DLG2: variants seen among roughly 807,000 people sequenced by gnomAD.
DLG2 encodes discs large MAGUK scaffold protein 2.
Under a neutral mutation model 132.5 loss-of-function variants are expected in DLG2, and 45 were observed. The observed-to-expected ratio is 0.34, with a 90% CI of 0.27 to 0.44. The LOEUF is 0.44. DLG2 is among the 20% of genes least tolerant of loss of function. DLG2 has a pLI of 1.00. For synonymous variants in DLG2, 424 were observed against 419.6 expected, an observed-to-expected ratio of 1.01 and a Z score of -0.13; for missense variants, 1,045 against 1,196.9, an observed-to-expected ratio of 0.87 and a Z score of 1.87.
intron 6 of DLG2, among the ~76,000 whole-genome samples, chr11:85,071,241 G>A (rs534326665): frequency 7.9e-5 from 12 of 151,790 alleles, no homozygotes; most frequent in South Asian, 4.2e-4. Context: ...AAACCTTAGC[G>A]TTACGTCCAT....
At chr11:83,489,329 C>T (rs2093706335) in intron 21 of DLG2, among the ~76,000 whole-genome samples, 2 of 151,868 alleles carry the variant, frequency 1.3e-5, no homozygotes, top group Admixed American at 1.3e-4. Flanking sequence ...GGAAGCTCTA[C>T]AAGACAAACT....
chr11:84,736,328 C>T (rs2063824291), intron 6 of DLG2, among the ~76,000 whole-genome samples: 1 of 150,418 alleles, frequency 6.6e-6, no homozygotes, highest in Admixed American at 6.6e-5. Context: ...ACTTTGTTCA[C>T]TTTTTTTTTC....
intron 3 of DLG2, among the ~76,000 whole-genome samples, chr11:85,571,941 G>A (rs995400163): frequency 1.4e-4 from 21 of 152,116 alleles, no homozygotes; most frequent in South Asian, 6.2e-4. Context: ...AGATATACCC[G>A]TAGCAGAAAT....
chr11:85,162,899 T>C (rs927142232), intron 4 of DLG2, among the ~76,000 whole-genome samples: 11 of 152,318 alleles, frequency 7.2e-5, no homozygotes, highest in South Asian at 4.1e-4. Context: ...TGTGAGGTTG[T>C]TGCCAAAGGA....
chr11:84,377,174 C>A (rs1007774535), intron 7 of DLG2, among the ~76,000 whole-genome samples: 1 of 151,884 alleles, frequency 6.6e-6, no homozygotes, highest in Non-Finnish European at 1.5e-5. Context: ...ATAATCCAGG[C>A]TTTATACTTA....
chr11:83,877,496 C>A, intron 15 of DLG2, among the ~76,000 whole-genome samples: 1 of 152,140 alleles, frequency 6.6e-6, no homozygotes, highest in South Asian at 2.1e-4. Context: ...AGTAATCTCA[C>A]TTCACTTATC....
intron 10 of DLG2, among the ~76,000 whole-genome samples, chr11:84,066,441 G>C (rs1594517064): frequency 6.6e-6 from 1 of 152,190 alleles, no homozygotes; most frequent in East Asian, 1.9e-4. Context: ...ACTGCACTCA[G>C]ACCTCCTCAA....
intron 3 of DLG2, among the ~76,000 whole-genome samples, chr11:85,527,519 C>T (rs1431938472): frequency 1.3e-5 from 2 of 152,134 alleles, no homozygotes; most frequent in African/African-American, 4.8e-5. Flanking sequence ...CTGCAAAGGA[C>T]ATGCACTCAT....
intron 19 of DLG2, among the ~76,000 whole-genome samples, chr11:83,606,285 T>C (rs1279314130): frequency 6.6e-6 from 1 of 152,158 alleles, no homozygotes; most frequent in African/African-American, 2.4e-5. Flanking sequence ...ACTATAGTTG[T>C]AGTCAGTAAA....
chr11:83,817,237 A>G (rs2049275170), intron 17 of DLG2, among the ~76,000 whole-genome samples: 2 of 152,170 alleles, frequency 1.3e-5, no homozygotes, highest in South Asian at 4.1e-4. Flanking sequence ...AGGGGTACCT[A>G]ACTTGGAGGT....
intron 17 of DLG2, among the ~76,000 whole-genome samples, chr11:83,804,464 A>T (rs2045363709): frequency 6.6e-6 from 1 of 151,964 alleles, no homozygotes; most frequent in South Asian, 2.1e-4. Context: ...AACTTGAAGA[A>T]CATTATAATA....
chr11:85,140,017 A>G (rs2076365046), intron 5 of DLG2, among the ~76,000 whole-genome samples: 3 of 152,002 alleles, frequency 2.0e-5, no homozygotes, highest in Admixed American at 6.6e-5. Flanking sequence ...TTAAAGCTGA[A>G]TATTATTCCA....
At chr11:84,376,779 G>C (rs929188250) in intron 7 of DLG2, among the ~76,000 whole-genome samples, 7 of 151,516 alleles carry the variant, frequency 4.6e-5, no homozygotes, top group Non-Finnish European at 8.9e-5. Context: ...ATGAAAATTG[G>C]CAATTAAAAA....
At chr11:83,628,826 C>T (rs367742314) in intron 19 of DLG2, among the ~76,000 whole-genome samples, 2 of 152,004 alleles carry the variant, frequency 1.3e-5, no homozygotes, top group Admixed American at 6.6e-5. Flanking sequence ...ATCTGTAAGC[C>T]GTAAATCATG....
At chr11:84,495,035 C>T (rs2099177410) in intron 7 of DLG2, among the ~76,000 whole-genome samples, 1 of 152,144 alleles carries the variant, frequency 6.6e-6, no homozygotes, top group Non-Finnish European at 1.5e-5. Flanking sequence ...CACCTACACA[C>T]AAGCTCACCC....
At chr11:83,917,072 T>C (rs879751361) in intron 15 of DLG2, among the ~76,000 whole-genome samples, 3 of 152,198 alleles carry the variant, frequency 2.0e-5, no homozygotes, top group Non-Finnish European at 4.4e-5. Flanking sequence ...TAGGCTTATT[T>C]GCAATGTGTT....
chr11:84,219,879 T>TA (rs1468238845), intron 8 of DLG2, among the ~76,000 whole-genome samples: 3 of 152,252 alleles, frequency 2.0e-5, no homozygotes, highest in Admixed American at 2.0e-4. Context: ...TATATACATG[T>TA]ACTGTAACTT....
At chr11:83,933,267 T>C (rs1456502187) in intron 14 of DLG2, among the ~76,000 whole-genome samples, 2 of 152,200 alleles carry the variant, frequency 1.3e-5, no homozygotes, top group Non-Finnish European at 2.9e-5. Flanking sequence ...TATCCTATTA[T>C]AAACTGCCAG....
At chr11:85,020,907 T>C in intron 6 of DLG2, 1 of 769,200 alleles carries the variant, frequency 1.3e-6, no homozygotes, top group South Asian at 1.3e-5. Context: ...ATCCCCCTCC[T>C]CAGCAGGGTC....
Sources: allele counts gnomAD v4.1 joint callset (sites outside exome capture counted in the v4.1 genomes callset), GRCh38; gene constraint gnomAD v4.1.1; transcripts MANE v1.5; gene names NCBI Gene and HGNC (gene_info 2026-07-23, HGNC 2026-07-21).